GAB2: variants seen among roughly 807,000 people sequenced by gnomAD.
GAB2 encodes GRB2 associated binding protein 2, also known as GRB2-associated-binding protein 2.
GAB2 carries 26 observed loss-of-function variants against 65.5 expected under a neutral mutation model. The observed-to-expected ratio is 0.40, with a 90% CI of 0.29 to 0.55. The LOEUF (loss-of-function observed/expected upper bound fraction) is 0.55. Among genes scored for constraint, GAB2 ranks in the 20% least tolerant of loss-of-function variants. The pLI is 0.53. For synonymous variants in GAB2, 321 were observed against 329.6 expected (o/e 0.97, Z 0.28); for missense variants, 884 against 875.8 (o/e 1.01, Z -0.12).
rs569698555 is a variant in GAB2, at chr11:78,349,545, G to A, written c.75+68101C>T. Among the ~76,000 whole-genome samples the A allele has an allele frequency of 1.6e-4, 24 of 152,270 alleles. No homozygotes were observed. In the South Asian group the frequency reaches 4.8e-3, roughly 30 times the overall value. ...CATCAGACCAGATAAACTTACCTTC[G>A]AATGCTATTATTCCCTACAGTGCTT... is the stretch of plus-strand genomic sequence containing the variant. On this transcript the variant is annotated intron_variant, in intron 1 of 9. Transcript: ENST00000361507.
chr11:78,370,712 CGTGT>C (rs1554995526), intron 1 of GAB2, among the ~76,000 whole-genome samples: 1,924 of 123,296 alleles, frequency 0.016, 30 homozygotes, highest in African/African-American at 0.051. Context: ...TGTGTGTGTG[CGTGT>C]GTGTGTGTAT....
chr11:78,392,944 C>T lies in GAB2; in HGVS notation c.75+24702G>A, dbSNP rs371036664. Reference sequence around the variant, plus strand: ...CACCGTCTTATCTCTTGCTTCTGTACCTATGTGCCAAACACCAGGTTAGAA... The same window carrying T: ...CACCGTCTTATCTCTTGCTTCTGTATCTATGTGCCAAACACCAGGTTAGAA... On this transcript the variant is annotated intron_variant, in intron 1 of 9. Transcript: ENST00000361507. Among the ~76,000 whole-genome samples the T allele has an allele frequency of 5.2e-4, 79 of 152,292 alleles. 2 individuals carry two copies. In the South Asian group the frequency reaches 0.015, roughly 30 times the overall value.
chr11:78,333,652 T>G (rs1855952019), intron 1 of GAB2, among the ~76,000 whole-genome samples: 1 of 152,208 alleles, frequency 6.6e-6, no homozygotes, highest in Admixed American at 6.5e-5. Context: ...GTGATTAGTC[T>G]AGGGAGACTG....
chr11:78,301,330 G>GTTTTT (rs373415325), intron 1 of GAB2, among the ~76,000 whole-genome samples: 8 of 145,722 alleles, frequency 5.5e-5, no homozygotes, highest in African/African-American at 5.3e-5. Flanking sequence ...GTATCTTGTG[G>GTTTTT]TTTTTTGTTT....
intron 1 of GAB2, among the ~76,000 whole-genome samples, chr11:78,395,881 T>C (rs1856889444): frequency 6.6e-6 from 1 of 152,232 alleles, no homozygotes; most frequent in African/African-American, 2.4e-5. Context: ...ATGCTTTTTA[T>C]GATTACATGA....
chr11:78,399,981 C>T (rs781299854), intron 1 of GAB2, among the ~76,000 whole-genome samples: 11 of 152,168 alleles, frequency 7.2e-5, no homozygotes, highest in Non-Finnish European at 1.6e-4. Flanking sequence ...TGTCAATATA[C>T]ACTGACATTT....
intron 1 of GAB2, among the ~76,000 whole-genome samples, chr11:78,372,188 C>A (rs1185418719): frequency 6.6e-6 from 1 of 152,062 alleles, no homozygotes; most frequent in Admixed American, 6.6e-5. Flanking sequence ...GTACAAAATA[C>A]CATCCTCTAT....
intron 1 of GAB2, among the ~76,000 whole-genome samples, chr11:78,406,135 T>C (rs1269154731): frequency 6.6e-6 from 1 of 152,196 alleles, no homozygotes. Flanking sequence ...CCCATCCCTG[T>C]AGAGTCACTG....
chr11:78,284,420 G>A (rs953430432), intron 1 of GAB2, among the ~76,000 whole-genome samples: 2 of 152,218 alleles, frequency 1.3e-5, no homozygotes, highest in Non-Finnish European at 2.9e-5. Flanking sequence ...TAAAGCCAAA[G>A]TCCCCACAAT....
At chr11:78,267,643 G>T (rs1865903282) in intron 2 of GAB2, among the ~76,000 whole-genome samples, 1 of 151,892 alleles carries the variant, frequency 6.6e-6, no homozygotes, top group Non-Finnish European at 1.5e-5. Context: ...TAGATGACGA[G>T]GTCAGGAGAT....
At chr11:78,416,669 C>G (rs1444319071) in intron 1 of GAB2, among the ~76,000 whole-genome samples, 1 of 152,110 alleles carries the variant, frequency 6.6e-6, no homozygotes, top group Non-Finnish European at 1.5e-5. Flanking sequence ...ACCTTACCCC[C>G]ACTTCCAAAC....
chr11:78,363,914 T>C (rs560296943), intron 1 of GAB2: 2 of 151,918 alleles, frequency 1.3e-5, no homozygotes, highest in Non-Finnish European at 2.9e-5. Context: ...AAGCTGTAAG[T>C]AGAGTTTTAA....
chr11:78,413,326 A>T (rs1857153220), intron 1 of GAB2, among the ~76,000 whole-genome samples: 1 of 152,242 alleles, frequency 6.6e-6, no homozygotes, highest in African/African-American at 2.4e-5. Context: ...TAAGGACTGG[A>T]TAAAAGGGTC....
At chr11:78,361,105 T>C (rs569200610) in intron 1 of GAB2, among the ~76,000 whole-genome samples, 2 of 152,206 alleles carry the variant, frequency 1.3e-5, no homozygotes, top group Non-Finnish European at 2.9e-5. Context: ...AATGCTTAGA[T>C]TATGATAGAA....
At chr11:78,221,988 C>T (rs2629607) in intron 7 of GAB2, 117 bp downstream of exon 7, 1 of 759,088 alleles carries the variant, frequency 1.3e-6, no homozygotes, top group African/African-American at 1.7e-5. Context: ...ACATGATCAG[C>T]TAATGATAGC....
intron 6 of GAB2, 36 bp from the exon 7 acceptor site, chr11:78,222,231 T>A: frequency 7.5e-7 from 1 of 1,329,954 alleles, no homozygotes; most frequent in Non-Finnish European, 1.1e-6. Context: ...AATCAGCCAG[T>A]AATGATAATG....
chr11:78,359,932 G>A (rs550315259), intron 1 of GAB2, among the ~76,000 whole-genome samples: 106 of 152,254 alleles, frequency 7.0e-4, no homozygotes, highest in African/African-American at 2.5e-3. Context: ...GGCCATATAA[G>A]ATAATATTCA....
chr11:78,334,963 T>A (rs1855974485), intron 1 of GAB2, among the ~76,000 whole-genome samples: 1 of 152,238 alleles, frequency 6.6e-6, no homozygotes, highest in South Asian at 2.1e-4. Context: ...CATATCCCAT[T>A]GTAGTTTTGA....
intron 1 of GAB2, among the ~76,000 whole-genome samples, chr11:78,308,531 C>T (rs2134638574): frequency 6.6e-6 from 1 of 152,238 alleles, no homozygotes; most frequent in East Asian, 1.9e-4. Context: ...TTGGAAGAAA[C>T]AGGATCAGAT....
Sources: allele counts gnomAD v4.1 joint callset (sites outside exome capture counted in the v4.1 genomes callset), GRCh38; gene constraint gnomAD v4.1.1; transcripts MANE v1.5; gene names NCBI Gene and HGNC (gene_info 2026-07-23, HGNC 2026-07-21).